The following SRPX variants were observed in gnomAD, a reference collection of about 807,000 sequenced individuals.
SRPX encodes sushi repeat-containing protein SRPX.
Under a neutral mutation model 38.1 loss-of-function variants are expected in SRPX, and 24 were observed. The observed-to-expected ratio is 0.63, with a 90% CI of 0.46 to 0.89. The LOEUF is 0.89. Ranked by LOEUF, SRPX falls within the 40% of genes least tolerant of loss-of-function variation. The pLI is 0.00. For missense variants in SRPX, 416 were observed against 377.8 expected (o/e 1.10, Z -0.84); for synonymous variants, 184 against 153.8 (o/e 1.20, Z -1.45).
In SRPX at chrX:38,149,690, G is replaced by A; in HGVS notation, c.*21C>T. 8.4e-7 allele frequency: 1 copy of A among 1,196,702 alleles called. No homozygotes were observed. Among genetic ancestry groups the A allele is most frequent in the Non-Finnish European group, 1.1e-6 (1 of 887,188 alleles). ...ACTATGTAGACAATGAAGAGGAATTGCCAAGAGAGGAACCATCATGTCAGG... is the reference window on the plus strand; with the variant it reads ...ACTATGTAGACAATGAAGAGGAATTACCAAGAGAGGAACCATCATGTCAGG... On this transcript the variant is annotated 3_prime_UTR_variant, in exon 10 of 10. Coordinates refer to ENST00000378533, the MANE Select transcript of SRPX (RefSeq NM_006307.5).
intron 1 of SRPX, among the ~76,000 whole-genome samples, chrX:38,191,336 T>C (rs1938899436): frequency 8.9e-6 from 1 of 112,179 alleles, no homozygotes; most frequent in African/African-American, 3.2e-5. Flanking sequence ...CAATTCCCTA[T>C]TTCAAAACAA....
rs376923543 is a variant in SRPX, at chrX:38,220,387, T to G, written c.97+309A>C. 4.4e-4 allele frequency among the ~76,000 whole-genome samples: 50 copies of G among 113,150 alleles called. No individual in the cohort carries two copies. The East Asian group carries it at 9.0e-3, about 20-fold the overall frequency. ...AGCAAACTAGTCTGCGGCCAAACTT[T>G]CTCTGTGGAGCCTCCTACACCGAAA... On this transcript the variant is annotated intron_variant, in intron 1 of 9. Coordinates refer to ENST00000378533, the MANE Select transcript of SRPX (RefSeq NM_006307.5).
At chrX:38,216,710 C>A (rs1211255317) in intron 1 of SRPX, among the ~76,000 whole-genome samples, 2 of 112,484 alleles carry the variant, frequency 1.8e-5, no homozygotes, top group East Asian at 5.6e-4. Flanking sequence ...AAAACTAAAC[C>A]TTCTTCTGTT....
At chrX:38,212,648 A>G (rs989301016) in intron 1 of SRPX, among the ~76,000 whole-genome samples, 25 of 111,330 alleles carry the variant, frequency 2.2e-4, no homozygotes, top group African/African-American at 8.2e-4. Flanking sequence ...CTGTTTTGTT[A>G]TTTTACAGAG....
chrX:38,149,454 T>C lies in SRPX; in HGVS notation c.*257A>G, dbSNP rs1158492408. ...ATAGCCTGTGTATGGTTATGGGTTC[T>C]AATTTCTCTACAAAATCAAGCAGCC... On this transcript the variant is annotated 3_prime_UTR_variant, in exon 10 of 10. Coordinates refer to ENST00000378533, the MANE Select transcript of SRPX (RefSeq NM_006307.5). 2.5e-5 allele frequency: 7 copies of C among 279,847 alleles called. No homozygotes were observed. Among genetic ancestry groups the C allele is most frequent in the Non-Finnish European group, 2.5e-5 (4 of 161,645 alleles). 23.1% of individuals were successfully genotyped at this position (279,847 alleles called of 1,213,427 possible). A position where few individuals can be genotyped will look rare whatever the true frequency, so the allele number is the denominator to read the frequency against.
At chrX:38,209,647 T>C (rs745352788) in intron 1 of SRPX, among the ~76,000 whole-genome samples, 65 of 112,209 alleles carry the variant, frequency 5.8e-4, no homozygotes, top group African/African-American at 2.1e-3. Context: ...AAAGATGAGT[T>C]TGGAATTTGG....
chrX:38,197,684 A>G (rs892873416), intron 1 of SRPX, among the ~76,000 whole-genome samples: 7 of 112,368 alleles, frequency 6.2e-5, no homozygotes, highest in African/African-American at 2.3e-4. Context: ...ACAAATAAAT[A>G]AAAAGTTTGT....
At chrX:38,171,404 G>A (rs1158576767) in intron 4 of SRPX, among the ~76,000 whole-genome samples, 1 of 111,465 alleles carries the variant, frequency 9.0e-6, no homozygotes, top group Non-Finnish European at 1.9e-5. Context: ...CCACACCATG[G>A]GAACCACTCA....
At chrX:38,196,604 C>T (rs1254712086) in intron 1 of SRPX, among the ~76,000 whole-genome samples, 2 of 112,202 alleles carry the variant, frequency 1.8e-5, no homozygotes, top group African/African-American at 6.5e-5. Context: ...GATAACCAAG[C>T]TGGGGAGGAC....
rs1247043980 is a variant in SRPX, at chrX:38,204,901, A to C, written c.97+15795T>G. Among the ~76,000 whole-genome samples, 3 of 112,421 alleles carry C rather than the reference A, an allele frequency of 2.7e-5. No homozygotes were observed. The East Asian group carries it at 8.3e-4, about 31-fold the overall frequency. ...CCTCTGTTACAGGCTCAAATGATGC[A>C]AGTTCCTTGAAATGAAAGGACATCA... is the stretch of plus-strand genomic sequence containing the variant. On this transcript the variant is annotated intron_variant, in intron 1 of 9. Transcript: ENST00000378533.
At chrX:38,166,537 T>TA in intron 4 of SRPX, among the ~76,000 whole-genome samples, 1 of 112,057 alleles carries the variant, frequency 8.9e-6, no homozygotes, top group East Asian at 2.8e-4. Flanking sequence ...GAAGATGCTT[T>TA]AAATGCATTC....
At chrX:38,182,243 T>C (rs754819547) in intron 1 of SRPX, among the ~76,000 whole-genome samples, 6 of 112,488 alleles carry the variant, frequency 5.3e-5, no homozygotes, top group Non-Finnish European at 9.4e-5. Flanking sequence ...CCTGTCTGCC[T>C]GGCCTTCAAA....
intron 4 of SRPX, among the ~76,000 whole-genome samples, chrX:38,171,553 G>C (rs897543181): frequency 8.9e-6 from 1 of 111,920 alleles, no homozygotes; most frequent in Non-Finnish European, 1.9e-5. Context: ...CTACTGGACT[G>C]TCCCTATAGT....
chrX:38,189,478 C>T (rs935026379), intron 1 of SRPX, among the ~76,000 whole-genome samples: 1 of 111,880 alleles, frequency 8.9e-6, no homozygotes, highest in Admixed American at 9.5e-5. Context: ...AACTCTTTGA[C>T]ACTTTGTTTA....
At chrX:38,165,047 T>A in intron 4 of SRPX, 152 bp from the exon 5 acceptor site, 1 of 484,145 alleles carries the variant, frequency 2.1e-6, no homozygotes, top group South Asian at 3.7e-5. Flanking sequence ...TCTCCCTTCA[T>A]AATGCTTTTA....
chrX:38,169,969 A>G (rs1356832082), intron 4 of SRPX, among the ~76,000 whole-genome samples: 1 of 112,467 alleles, frequency 8.9e-6, no homozygotes, highest in Non-Finnish European at 1.9e-5. Context: ...TGGCTCTTCA[A>G]AGACTTTTTA....
chrX:38,164,982 G>C, intron 4 of SRPX, 87 bp from the exon 5 acceptor site: 1 of 854,245 alleles, frequency 1.2e-6, no homozygotes, highest in Non-Finnish European at 1.7e-6. Flanking sequence ...AAATACCAAA[G>C]CCTCTGGGTA....
intron 1 of SRPX, among the ~76,000 whole-genome samples, chrX:38,216,160 G>A (rs912736845): frequency 2.7e-5 from 3 of 111,493 alleles, no homozygotes; most frequent in Non-Finnish European, 3.8e-5. Context: ...CACCATCTCC[G>A]CACCAGCAAG....
Position 38,149,871 on chromosome X carries a change from T to C in SRPX, c.1235A>G (p.Tyr412Cys), listed in dbSNP as rs746205723. 3.3e-6 allele frequency: 4 copies of C among 1,204,254 alleles called. No individual in the cohort carries two copies. Among genetic ancestry groups the C allele is most frequent in the Non-Finnish European group, 4.5e-6 (4 of 892,814 alleles). The change falls in exon 10 of 10, where the codon TAC becomes TGC. Residue 412 changes from tyrosine (Y) to cysteine (C), a missense_variant. Tyr to Cys is a radical substitution (Grantham distance 194). Coordinates refer to ENST00000378533, the MANE Select transcript of SRPX (RefSeq NM_006307.5). ...QLRLLLRIPL[Y>C]SFSMVLVDKH... Reference sequence around the variant, plus strand: ...ATCCACTAGCACCATACTGAAGGAGTAGAGTGGGATTCGCAGCAACAGCCT... The same window carrying C: ...ATCCACTAGCACCATACTGAAGGAGCAGAGTGGGATTCGCAGCAACAGCCT...
Sources: allele counts gnomAD v4.1 joint callset (sites outside exome capture counted in the v4.1 genomes callset), GRCh38; gene constraint gnomAD v4.1.1; transcripts MANE v1.5; gene names NCBI Gene and HGNC (gene_info 2026-07-23, HGNC 2026-07-21).